NNT: variants seen among roughly 807,000 people sequenced by gnomAD.
NNT encodes nicotinamide nucleotide transhydrogenase, also known as NAD(P) transhydrogenase, mitochondrial.
A neutral mutation model predicts 104.8 loss-of-function variants in NNT; 50 were observed. The observed-to-expected ratio is 0.48, with a 90% confidence interval of 0.38 to 0.60. The LOEUF is 0.60. NNT is among the 20% of genes least tolerant of loss of function. The pLI, the probability that NNT is intolerant of heterozygous loss-of-function variation, is 0.00. For synonymous variants in NNT, 461 were observed against 490.4 expected, an observed-to-expected ratio of 0.94 and a Z score of 0.79; for missense variants, 1,131 against 1,330.7, an observed-to-expected ratio of 0.85 and a Z score of 2.33.
intron 17 of NNT, among the ~76,000 whole-genome samples, chr5:43,660,709 C>G (rs1740308618): frequency 6.6e-6 from 1 of 152,162 alleles, no homozygotes; most frequent in African/African-American, 2.4e-5. Flanking sequence ...GCACATCTTA[C>G]CATAGCGGAG....
rs570637521 is a variant in NNT at position 43,605,353 on chromosome 5, A to G, written c.-54+2059A>G. Among the ~76,000 whole-genome samples the G allele has an allele frequency of 9.4e-3, 1,415 of 150,810 alleles. 19 individuals carry two copies. The highest frequency in any genetic ancestry group is 0.033 in the African/African-American group (1,360 of 40,990). On this transcript the variant is annotated intron_variant, in intron 1 of 21. Transcript: ENST00000344920. ...AACAAGGTGAAACCCCGTCTCTACT[A>G]AAAATACAAAAAATTAGCCGGGCGC...
intron 3 of NNT, among the ~76,000 whole-genome samples, chr5:43,615,195 T>C (rs1445011857): frequency 6.6e-6 from 1 of 152,126 alleles, no homozygotes; most frequent in African/African-American, 2.4e-5. Flanking sequence ...AAATGGATAT[T>C]GGAAACTTTC....
chr5:43,638,121 C>T (rs1381783261), intron 7 of NNT, among the ~76,000 whole-genome samples: 2 of 152,186 alleles, frequency 1.3e-5, no homozygotes, highest in Admixed American at 6.6e-5. Flanking sequence ...CTTCACTGGG[C>T]ACTCATTTCT....
chr5:43,606,452 C>T (rs938201928), intron 1 of NNT, among the ~76,000 whole-genome samples: 1 of 152,116 alleles, frequency 6.6e-6, no homozygotes, highest in Non-Finnish European at 1.5e-5. Context: ...CTAGATGTGA[C>T]CCATGAATGA....
chr5:43,661,249 T>TG, intron 17 of NNT, among the ~76,000 whole-genome samples: 1 of 152,274 alleles, frequency 6.6e-6, no homozygotes, highest in Admixed American at 6.5e-5. Flanking sequence ...GTTTATGAAA[T>TG]TGTACTAGAA....
Position 43,659,288 on chromosome 5 carries a change from CT to C in NNT, c.2573del (p.Leu858ArgfsTer8). On this transcript the variant is annotated frameshift_variant, in exon 17 of 22. Transcript: ENST00000344920. LOFTEE classifies it high-confidence loss of function. ...GGGCTTCCTGCTCAACAACAATCTG[CT>C]GACCATCGTGGGTGCACTCATAGGC... is the stretch of plus-strand genomic sequence containing the variant. ...AEGFLLNNNL[L>X]TIVGALIGSS... 1 of 1,614,032 alleles carries C rather than the reference CT, an allele frequency of 6.2e-7. No homozygotes were observed. The highest frequency in any genetic ancestry group is 8.5e-7 in the Non-Finnish European group (1 of 1,180,006).
chr5:43,650,802 A>G (rs1460681993), intron 12 of NNT, among the ~76,000 whole-genome samples: 5 of 152,240 alleles, frequency 3.3e-5, no homozygotes, highest in African/African-American at 1.2e-4. Flanking sequence ...ACAAACAAAC[A>G]AAATGATGTC....
In NNT at chr5:43,609,349, A is replaced by C. The variant is rs1192921329; in HGVS notation, c.151+3A>C. 6.2e-7 allele frequency: 1 copy of C among 1,613,622 alleles called. No individual in the cohort carries two copies. The highest frequency in any genetic ancestry group is 8.5e-7 in the Non-Finnish European group (1 of 1,179,744). Reference sequence around the variant, plus strand: ...GTGTAAAGCGCCTGTAAAACCAGGTAAAGTCTCACTTCAGTGATTGTAAAT... The same window carrying C: ...GTGTAAAGCGCCTGTAAAACCAGGTCAAGTCTCACTTCAGTGATTGTAAAT... On this transcript the variant is annotated splice_donor_region_variant and intron_variant, in intron 2 of 21. Coordinates refer to ENST00000344920, the MANE Select transcript of NNT (RefSeq NM_182977.3).
chr5:43,687,596 C>T (rs1301596793), intron 19 of NNT, among the ~76,000 whole-genome samples: 1 of 152,144 alleles, frequency 6.6e-6, no homozygotes, highest in Admixed American at 6.5e-5. Flanking sequence ...TGTTATTCTT[C>T]TCAAAACATT....
chr5:43,620,039 C>T (rs1230693393), intron 5 of NNT, among the ~76,000 whole-genome samples: 1 of 152,062 alleles, frequency 6.6e-6, no homozygotes, highest in Admixed American at 6.5e-5. Context: ...ATGGGAGATC[C>T]ACTCCCATGA....
At chr5:43,669,912 G>T (rs937537735) in intron 17 of NNT, among the ~76,000 whole-genome samples, 1 of 151,950 alleles carries the variant, frequency 6.6e-6, no homozygotes, top group African/African-American at 2.4e-5. Context: ...ATCTGGTCCT[G>T]GACTTTTTTT....
chr5:43,621,773 A>G (rs13355686), intron 5 of NNT, among the ~76,000 whole-genome samples: 2,222 of 152,304 alleles, frequency 0.015, 56 homozygotes, highest in African/African-American at 0.046. Context: ...AGGCCACTTT[A>G]GTAGAGTGAT....
At chr5:43,630,723 C>T (rs184403602) in intron 7 of NNT, among the ~76,000 whole-genome samples, 11 of 152,288 alleles carry the variant, frequency 7.2e-5, no homozygotes, top group African/African-American at 2.6e-4. Flanking sequence ...AACTGTCCAC[C>T]TTTTATAGTC....
chr5:43,677,904 C>A, intron 19 of NNT, 98 bp downstream of exon 19: 2 of 916,020 alleles, frequency 2.2e-6, no homozygotes, highest in African/African-American at 1.6e-5. Flanking sequence ...GGGGTTAGGG[C>A]ACTGACCCGC....
At position 43,644,849 on chromosome 5, in the gene NNT, T is replaced by C. The variant is rs200223336; in HGVS notation, c.1290+47T>C. On this transcript the variant is annotated intron_variant, in intron 9 of 21. Transcript: ENST00000344920. ...TTCCTTTGCTTTTAATGTAAATTTG[T>C]TTTAGAATTTCTGTTTATGGAAGAA... is the stretch of plus-strand genomic sequence containing the variant. The C allele has an allele frequency of 1.0e-4, 151 of 1,473,096 alleles. 1 individual carries two copies. The African/African-American group carries it at 1.9e-3, about 18-fold the overall frequency. The allele number at this position is 1,473,096 out of a possible 1,614,324, so 91.3% of individuals were successfully genotyped here. A position where few individuals can be genotyped will look rare whatever the true frequency, so the allele number is the denominator to read the frequency against.
chr5:43,677,679 T>G (rs759758690), intron 18 of NNT, 46 bp from the exon 19 acceptor site: 1 of 1,539,122 alleles, frequency 6.5e-7, no homozygotes, highest in South Asian at 1.1e-5. Flanking sequence ...TCATGTAATT[T>G]CAAAATAAAA....
intron 19 of NNT, among the ~76,000 whole-genome samples, chr5:43,694,141 C>G (rs1051291368): frequency 5.3e-5 from 8 of 152,170 alleles, no homozygotes; most frequent in African/African-American, 1.9e-4. Flanking sequence ...TATCCTAAAA[C>G]TTTGCTGAAG....
chr5:43,631,657 C>T (rs1220332098), intron 7 of NNT, among the ~76,000 whole-genome samples: 1 of 152,130 alleles, frequency 6.6e-6, no homozygotes, highest in African/African-American at 2.4e-5. Flanking sequence ...AGCTAGATGT[C>T]AGTGATAGTA....
chr5:43,666,706 C>A (rs890315324), intron 17 of NNT: 12 of 974,522 alleles, frequency 1.2e-5, no homozygotes, highest in Non-Finnish European at 1.8e-5. Flanking sequence ...CAGATGGTAG[C>A]CCAGGGACGG....
Sources: gnomAD v4.1 joint callset for allele counts (sites outside exome capture counted in the v4.1 genomes callset) on GRCh38, gnomAD v4.1.1 for gene constraint, MANE v1.5 for transcripts, NCBI Gene and HGNC (gene_info 2026-07-23, HGNC 2026-07-21) for gene names.